The following ZBTB20 variants were observed in gnomAD, a reference collection of about 807,000 sequenced individuals.
The protein encoded by ZBTB20 is zinc finger and BTB domain containing 20, also known as zinc finger and BTB domain-containing protein 20.
Under a neutral mutation model 56.9 loss-of-function variants are expected in ZBTB20, and 9 were observed. The observed-to-expected ratio is 0.16, with a 90% CI of 0.10 to 0.28. ZBTB20 has a LOEUF of 0.28. Among genes scored for constraint, ZBTB20 ranks in the 10% least tolerant of loss-of-function variants. The pLI is 1.00. For missense variants in ZBTB20, 655 were observed against 1,003.0 expected (o/e 0.65, Z 4.69); for synonymous variants, 417 against 420.7 (o/e 0.99, Z 0.11).
At chr3:115,120,237 G>C (rs925509412) in intron 1 of ZBTB20, among the ~76,000 whole-genome samples, 1 of 152,054 alleles carries the variant, frequency 6.6e-6, no homozygotes, top group African/African-American at 2.4e-5. Context: ...CCGCTATGCT[G>C]GAAAACGTTA....
intron 1 of ZBTB20, among the ~76,000 whole-genome samples, chr3:115,141,185 GACT>G (rs1174372466): frequency 6.6e-6 from 1 of 152,088 alleles, no homozygotes; most frequent in African/African-American, 2.4e-5. Context: ...TGTCAATAGA[GACT>G]ACTGTTTTGT....
chr3:114,985,285 T>C (rs748838428), intron 2 of ZBTB20, among the ~76,000 whole-genome samples: 9 of 152,022 alleles, frequency 5.9e-5, no homozygotes, highest in Non-Finnish European at 1.2e-4. Flanking sequence ...TAGCCATAAA[T>C]AGTTTTCAAG....
chr3:114,563,833 A>G (rs1272846496), intron 6 of ZBTB20, among the ~76,000 whole-genome samples: 1 of 152,204 alleles, frequency 6.6e-6, no homozygotes. Context: ...TTTTTCCTAT[A>G]GCTGGATGTA....
intron 1 of ZBTB20, among the ~76,000 whole-genome samples, chr3:115,082,699 G>A (rs1236641329): frequency 6.6e-6 from 1 of 151,960 alleles, no homozygotes; most frequent in African/African-American, 2.4e-5. Context: ...ATAAAACCAA[G>A]CATACTATTT....
chr3:114,473,246 A>C (rs1380231652), intron 7 of ZBTB20, among the ~76,000 whole-genome samples: 1 of 152,190 alleles, frequency 6.6e-6, no homozygotes, highest in Non-Finnish European at 1.5e-5. Flanking sequence ...TATCTTTCAC[A>C]TTTTATAAAA....
At chr3:114,464,061 C>T (rs2092439150) in intron 7 of ZBTB20, among the ~76,000 whole-genome samples, 1 of 152,156 alleles carries the variant, frequency 6.6e-6, no homozygotes, top group South Asian at 2.1e-4. Flanking sequence ...TATATGCTCC[C>T]TGAGGACAAT....
At chr3:115,074,799 G>A (rs1355977882) in intron 1 of ZBTB20, among the ~76,000 whole-genome samples, 3 of 152,132 alleles carry the variant, frequency 2.0e-5, no homozygotes, top group Non-Finnish European at 2.9e-5. Flanking sequence ...CACACTAATA[G>A]TGAGGAGTGG....
chr3:115,064,903 T>C (rs1208255484), intron 2 of ZBTB20, among the ~76,000 whole-genome samples: 1 of 152,180 alleles, frequency 6.6e-6, no homozygotes, highest in Non-Finnish European at 1.5e-5. Context: ...ATTTTGAAAT[T>C]TTCCAATTAT....
At chr3:114,989,383 G>C (rs1280412501) in intron 2 of ZBTB20, among the ~76,000 whole-genome samples, 1 of 151,926 alleles carries the variant, frequency 6.6e-6, no homozygotes, top group Non-Finnish European at 1.5e-5. Flanking sequence ...TCTTGTTTTT[G>C]TCAGGTTTGT....
chr3:114,719,311 C>T (rs1002583928), intron 5 of ZBTB20, among the ~76,000 whole-genome samples: 1 of 151,964 alleles, frequency 6.6e-6, no homozygotes, highest in Non-Finnish European at 1.5e-5. Context: ...GATATGAATC[C>T]ATTGATAATG....
At chr3:114,504,118 G>T (rs1021724042) in intron 6 of ZBTB20, among the ~76,000 whole-genome samples, 3 of 152,140 alleles carry the variant, frequency 2.0e-5, no homozygotes, top group Admixed American at 6.5e-5. Context: ...CAGCAGCAAA[G>T]AAAATGTATA....
chr3:114,844,330 AATATATATAT>A (rs71146341), intron 4 of ZBTB20, among the ~76,000 whole-genome samples: 33 of 99,264 alleles, frequency 3.3e-4, no homozygotes, highest in African/African-American at 7.2e-4. Flanking sequence ...TACTGGAGTA[AATATATATAT>A]ATATATATAT....
chr3:114,705,494 T>C (rs1172346799), intron 5 of ZBTB20, among the ~76,000 whole-genome samples: 1 of 152,114 alleles, frequency 6.6e-6, no homozygotes, highest in African/African-American at 2.4e-5. Flanking sequence ...TAGAATCAGA[T>C]TGGAAATAAG....
chr3:114,589,835 G>A (rs1372202695), intron 6 of ZBTB20, among the ~76,000 whole-genome samples: 1 of 152,034 alleles, frequency 6.6e-6, no homozygotes, highest in Non-Finnish European at 1.5e-5. Flanking sequence ...ATGTACTGAC[G>A]CACATGCATA....
chr3:115,001,097 A>AC (rs1285886015), intron 2 of ZBTB20, among the ~76,000 whole-genome samples: 1 of 151,242 alleles, frequency 6.6e-6, no homozygotes, highest in Non-Finnish European at 1.5e-5. Flanking sequence ...TCAAAAAAAA[A>AC]AAAAAACAAA....
chr3:114,374,798 C>G (rs951957025), intron 10 of ZBTB20, among the ~76,000 whole-genome samples: 5 of 152,174 alleles, frequency 3.3e-5, no homozygotes, highest in African/African-American at 1.2e-4. Context: ...TTTTTTGGCA[C>G]ACCAAACAGA....
chr3:114,822,881 T>C (rs2073331452), intron 4 of ZBTB20, among the ~76,000 whole-genome samples: 1 of 152,088 alleles, frequency 6.6e-6, no homozygotes, highest in Non-Finnish European at 1.5e-5. Flanking sequence ...TCAAATTATA[T>C]GACTAGGTAC....
chr3:114,775,249 AT>A (rs1391191943), intron 5 of ZBTB20, among the ~76,000 whole-genome samples: 2 of 152,152 alleles, frequency 1.3e-5, no homozygotes, highest in African/African-American at 4.8e-5. Context: ...AACAAAAAAA[AT>A]ATGTTGTATC....
At chr3:114,399,182 A>T (rs1245032950) in intron 7 of ZBTB20, among the ~76,000 whole-genome samples, 4 of 152,134 alleles carry the variant, frequency 2.6e-5, no homozygotes, top group Non-Finnish European at 1.5e-5. Flanking sequence ...TTATTATGTG[A>T]GAGAGAAAAG....
Sources: gnomAD v4.1 joint callset for allele counts (sites outside exome capture counted in the v4.1 genomes callset) on GRCh38, gnomAD v4.1.1 for gene constraint, MANE v1.5 for transcripts, NCBI Gene and HGNC (gene_info 2026-07-23, HGNC 2026-07-21) for gene names.